CEACAM21: variants seen among roughly 807,000 people sequenced by gnomAD.
CEACAM21 encodes cell adhesion molecule CEACAM21.
Under a neutral mutation model 33.2 loss-of-function variants are expected in CEACAM21, and 38 were observed. The ratio of observed to expected loss-of-function variants is 1.14; its 90% CI spans 0.88 to 1.50. CEACAM21 has a LOEUF of 1.50. CEACAM21 is among the 40% of genes most tolerant of loss of function. The probability of loss-of-function intolerance (pLI) is 0.00; values close to 1 mark genes in which losing one functional copy is unlikely to be tolerated. For synonymous variants in CEACAM21, 156 were observed against 143.0 expected (o/e 1.09, Z -0.65); for missense variants, 385 against 364.6 (o/e 1.06, Z -0.46).
chr19:41,562,820 C>T (rs2041977183), intron 1 of CEACAM21, among the ~76,000 whole-genome samples: 1 of 152,108 alleles, frequency 6.6e-6, no homozygotes, highest in African/African-American at 2.4e-5. Context: ...GCTCCACCTC[C>T]CGGGTTCACG....
chr19:41,583,698 A>G (rs1355221983), intron 3 of CEACAM21, among the ~76,000 whole-genome samples: 1 of 152,162 alleles, frequency 6.6e-6, no homozygotes, highest in African/African-American at 2.4e-5. Flanking sequence ...CTTATTCACT[A>G]TCACAAGAAC....
intron 1 of CEACAM21, 139 bp from the exon 2 acceptor site, chr19:41,577,061 G>A: frequency 1.1e-6 from 1 of 880,322 alleles, no homozygotes; most frequent in Non-Finnish European, 1.8e-6. Context: ...GGGTCATGCT[G>A]CTGACTTTGA....
Position 41,586,719 on chromosome 19 carries a change from T to C in CEACAM21, c.*256T>C, listed in dbSNP as rs1306993558. On this transcript the variant is annotated 3_prime_UTR_variant, in exon 7 of 7. Coordinates refer to ENST00000401445, the MANE Select transcript of CEACAM21 (RefSeq NM_001098506.4). ...GACCTCAACAGACTGCCCCGGGCTC[T>C]GGGTGGGCCAAGGCGAAGGCTTCCC... 1 of 380,268 alleles carries C rather than the reference T, an allele frequency of 2.6e-6. No individual in the cohort carries two copies. Among genetic ancestry groups the C allele is most frequent in the Non-Finnish European group, 5.0e-6 (1 of 198,720 alleles). 23.6% of individuals were successfully genotyped at this position (380,268 alleles called of 1,614,324 possible).
chr19:41,585,636 C>CACAACATCA, intron 5 of CEACAM21, 141 bp downstream of exon 5: 1 of 1,096,880 alleles, frequency 9.1e-7, no homozygotes, highest in Non-Finnish European at 1.3e-6. Flanking sequence ...ACACAGGAAA[C>CACAACATCA]CCCAACTGGC....
intron 1 of CEACAM21, among the ~76,000 whole-genome samples, chr19:41,549,926 T>C (rs2041118627): frequency 6.6e-6 from 1 of 152,244 alleles, no homozygotes; most frequent in Admixed American, 6.5e-5. Flanking sequence ...ATGGACTTGC[T>C]TATTTCCTTT....
In CEACAM21 at chr19:41,577,225, A is replaced by G. The variant is rs782330544; in HGVS notation, c.90A>G (p.Ala30=). Reference sequence around the variant, plus strand: ...CCTCACTTTTAACTTTCTGGAACGCACCCACCACTGCCTGGCTCTTTATTG... The same window carrying G: ...CCTCACTTTTAACTTTCTGGAACGCGCCCACCACTGCCTGGCTCTTTATTG... ...LTASLLTFWN[A]PTTAWLFIAS... The change falls in exon 2 of 7, where the codon GCA becomes GCG. Residue 30 remains alanine (A), a synonymous_variant. Transcript: ENST00000401445. 6.2e-7 allele frequency: 1 copy of G among 1,613,922 alleles called. No homozygotes were observed. The highest frequency in any genetic ancestry group is 1.7e-5 in the Admixed American group (1 of 59,994).
At chr19:41,583,556 G>A (rs1245233560) in intron 3 of CEACAM21, among the ~76,000 whole-genome samples, 1 of 152,182 alleles carries the variant, frequency 6.6e-6, no homozygotes, top group Non-Finnish European at 1.5e-5. Flanking sequence ...AGGTTTAATT[G>A]ATTCACAATT....
upstream of CEACAM21, among the ~76,000 whole-genome samples, chr19:41,574,977 T>C (rs2042840161): frequency 6.6e-6 from 1 of 152,184 alleles, no homozygotes; most frequent in South Asian, 2.1e-4. Context: ...AATTGAGGTA[T>C]AAACATATAT....
intron 1 of CEACAM21, among the ~76,000 whole-genome samples, chr19:41,550,951 T>C (rs557155851): frequency 8.5e-5 from 13 of 152,194 alleles, no homozygotes; most frequent in Non-Finnish European, 1.8e-4. Flanking sequence ...ACCTTTTGGA[T>C]TGTTGAACTT....
chr19:41,564,795 C>T (rs2042145686), exon 2 of CEACAM21: 1 of 152,258 alleles, frequency 6.6e-6, no homozygotes, highest in South Asian at 2.1e-4. Flanking sequence ...CTTGGGCTCC[C>T]TTGAGAGAGT....
At chr19:41,558,140 T>C (rs17724225) in intron 1 of CEACAM21, among the ~76,000 whole-genome samples, 7,489 of 152,278 alleles carry the variant, frequency 0.049, 494 homozygotes, top group East Asian at 0.36. Flanking sequence ...ACAACTATTA[T>C]ATGCTCAAAG....
At chr19:41,564,046 C>T (rs2042080277) in intron 1 of CEACAM21, among the ~76,000 whole-genome samples, 1 of 152,256 alleles carries the variant, frequency 6.6e-6, no homozygotes, top group Admixed American at 6.5e-5. Context: ...AACAACACAT[C>T]ATCACCAGGG....
intron 3 of CEACAM21, among the ~76,000 whole-genome samples, chr19:41,582,557 C>A (rs190003813): frequency 1.1e-4 from 17 of 152,368 alleles, no homozygotes; most frequent in African/African-American, 4.1e-4. Context: ...CATTTTCATA[C>A]ATCCTCTGAA....
In CEACAM21 at chr19:41,577,301, G is replaced by T; in HGVS notation, c.166G>T (p.Val56Phe). 1 of 1,614,068 alleles carries T rather than the reference G, an allele frequency of 6.2e-7. No homozygotes were observed. Among genetic ancestry groups the T allele is most frequent in the Non-Finnish European group, 8.5e-7 (1 of 1,179,978 alleles). Residue 56 changes from valine to phenylalanine, a missense_variant, in exon 2 of 7, where the codon GTT becomes TTT. Val to Phe is a conservative substitution (Grantham distance 50). Transcript: ENST00000401445. ...AEGENVHLSV[V>F]YLPENLYSYG... ...AGGGGAGAATGTTCATCTCTCTGTG[G>T]TTTATCTGCCCGAGAATCTTTACAG...
intron 2 of CEACAM21, among the ~76,000 whole-genome samples, chr19:41,570,683 G>C (rs569804415): frequency 5.3e-5 from 8 of 152,314 alleles, no homozygotes; most frequent in Admixed American, 5.2e-4. Context: ...CCTGAGGTCT[G>C]TCCAGGAGCT....
upstream of CEACAM21, among the ~76,000 whole-genome samples, chr19:41,574,095 G>A (rs2042778548): frequency 6.6e-6 from 1 of 152,186 alleles, no homozygotes; most frequent in Admixed American, 6.5e-5. Flanking sequence ...CCTCAATGGG[G>A]AAAGAATGGT....
At chr19:41,577,006 G>C (rs1291622081) in intron 1 of CEACAM21, among the ~76,000 whole-genome samples, 194 bp from the exon 2 acceptor site, 1 of 152,026 alleles carries the variant, frequency 6.6e-6, no homozygotes, top group Non-Finnish European at 1.5e-5. Flanking sequence ...TGGGAAAGAG[G>C]GTTCACACAA....
Position 41,576,166 on chromosome 19 carries a change from A to G in CEACAM21, c.-109A>G. 2.3e-6 allele frequency: 3 copies of G among 1,323,280 alleles called. No homozygotes were observed. The highest frequency in any genetic ancestry group is 3.2e-6 in the Non-Finnish European group (3 of 933,416). The allele number at this position is 1,323,280 out of a possible 1,614,324, so 82.0% of individuals were successfully genotyped here. On this transcript the variant is annotated 5_prime_UTR_variant, in exon 1 of 7. Transcript: ENST00000401445. The stretch of plus-strand genomic sequence containing the variant: ...GCTCCTGCCTGAGAGGAAGCTCAGC[A>G]TAGAGGAAGGAAGGACAGCAGAGAC...
In CEACAM21 at chr19:41,577,708, G is replaced by C. The variant is rs1232738975; in HGVS notation, c.424+149G>C. On this transcript the variant is annotated intron_variant, in intron 2 of 6. Transcript: ENST00000401445. ...TTTAGTGCAGGACACACCCAGGGGA[G>C]ACAAACTATAACAGATCAGAATTCC... 3 of 1,139,738 alleles carry C rather than the reference G, an allele frequency of 2.6e-6. No homozygotes were observed. In the Admixed American group the frequency reaches 7.0e-5, roughly 27 times the overall value. The allele number at this position is 1,139,738 out of a possible 1,614,324, so 70.6% of individuals were successfully genotyped here. A position where few individuals can be genotyped will look rare whatever the true frequency, so the allele number is the denominator to read the frequency against.
Sources: gnomAD v4.1 joint callset for allele counts (sites outside exome capture counted in the v4.1 genomes callset) on GRCh38, gnomAD v4.1.1 for gene constraint, MANE v1.5 for transcripts, NCBI Gene and HGNC (gene_info 2026-07-23, HGNC 2026-07-21) for gene names.